PPFIA2: variants seen among roughly 807,000 people sequenced by gnomAD.
PPFIA2 encodes PPFI scaffold protein A2, also known as liprin-alpha-2.
Under a neutral mutation model 175.5 loss-of-function variants are expected in PPFIA2, and 46 were observed. That is an observed-to-expected ratio of 0.26 (90% CI 0.21 to 0.34). The LOEUF is 0.34. PPFIA2 is among the 10% of genes least tolerant of loss of function. PPFIA2 has a pLI of 1.00. For missense variants in PPFIA2, 1,179 were observed against 1,506.1 expected (o/e 0.78, Z 3.60); for synonymous variants, 568 against 511.4 (o/e 1.11, Z -1.49).
chr12:81,599,261 C>T (rs1025235006), intron 4 of PPFIA2, among the ~76,000 whole-genome samples: 1 of 151,898 alleles, frequency 6.6e-6, no homozygotes, highest in Non-Finnish European at 1.5e-5. Flanking sequence ...ATAAAAACCA[C>T]CTACTTTAAA....
intron 5 of PPFIA2, among the ~76,000 whole-genome samples, chr12:81,448,541 G>A (rs1009981726): frequency 2.0e-5 from 3 of 152,192 alleles, no homozygotes; most frequent in African/African-American, 7.2e-5. Context: ...TCAAGTGAAA[G>A]TCAAAGTCCT....
chr12:81,736,981 C>T (rs1049254270), intron 3 of PPFIA2, among the ~76,000 whole-genome samples: 3 of 151,908 alleles, frequency 2.0e-5, no homozygotes, highest in African/African-American at 4.8e-5. Context: ...CTACATTTAT[C>T]GTGCTTATTA....
chr12:81,723,208 T>C (rs1292337735), intron 3 of PPFIA2, among the ~76,000 whole-genome samples: 1 of 151,054 alleles, frequency 6.6e-6, no homozygotes, highest in Non-Finnish European at 1.5e-5. Flanking sequence ...AAACCTATAA[T>C]TAATATCTCA....
At chr12:81,693,949 G>C (rs1336287730) in intron 3 of PPFIA2, among the ~76,000 whole-genome samples, 1 of 152,050 alleles carries the variant, frequency 6.6e-6, no homozygotes, top group East Asian at 1.9e-4. Context: ...GTGATGATTA[G>C]GGTATTTGAT....
At chr12:81,676,374 G>T (rs1256553540) in intron 4 of PPFIA2, among the ~76,000 whole-genome samples, 1 of 151,902 alleles carries the variant, frequency 6.6e-6, no homozygotes, top group African/African-American at 2.4e-5. Flanking sequence ...TTTCCTGGAA[G>T]CTTCCTGAAT....
intron 4 of PPFIA2, among the ~76,000 whole-genome samples, chr12:81,624,039 A>G (rs766513745): frequency 2.0e-5 from 3 of 151,954 alleles, no homozygotes; most frequent in Non-Finnish European, 4.4e-5. Context: ...AGAAGAAAAG[A>G]TCCCATGTGA....
intron 3 of PPFIA2, among the ~76,000 whole-genome samples, chr12:81,720,667 G>A (rs2079196611): frequency 6.6e-6 from 1 of 151,246 alleles, no homozygotes; most frequent in Non-Finnish European, 1.5e-5. Context: ...CCATGAAGGT[G>A]GAAAACAATT....
In PPFIA2 at chr12:81,374,795, C is replaced by A. The variant is rs763079387; in HGVS notation, c.1132-27G>T. 6 of 1,596,028 alleles carry A rather than the reference C, an allele frequency of 3.8e-6. No individual in the cohort carries two copies. In the South Asian group the frequency reaches 6.7e-5, roughly 18 times the overall value. On this transcript the variant is annotated intron_variant, in intron 10 of 32. Coordinates refer to ENST00000549396, the MANE Select transcript of PPFIA2 (RefSeq NM_003625.5). Reference sequence around the variant, plus strand: ...TGAAATGGGAATGGGAGCAGAGACACTTAAAGAGTCAGAGTTTGGATAGCA... The same window carrying A: ...TGAAATGGGAATGGGAGCAGAGACAATTAAAGAGTCAGAGTTTGGATAGCA...
intron 3 of PPFIA2, among the ~76,000 whole-genome samples, chr12:81,726,855 T>TG (rs1190729156): frequency 6.6e-6 from 1 of 151,298 alleles, no homozygotes; most frequent in Non-Finnish European, 1.5e-5. Flanking sequence ...ACTGCTGTGA[T>TG]GCAACAAAAT....
intron 17 of PPFIA2, among the ~76,000 whole-genome samples, chr12:81,348,302 T>G (rs1027941120): frequency 6.6e-6 from 1 of 152,174 alleles, no homozygotes; most frequent in Non-Finnish European, 1.5e-5. Context: ...TCATTCATAA[T>G]TAGCCAAATA....
At chr12:81,606,956 T>A (rs1016443919) in intron 4 of PPFIA2, among the ~76,000 whole-genome samples, 4 of 152,160 alleles carry the variant, frequency 2.6e-5, no homozygotes, top group African/African-American at 9.7e-5. Context: ...GTCTTACATT[T>A]AAACCTTTAA....
At chr12:81,547,515 A>G (rs1320775638) in intron 4 of PPFIA2, among the ~76,000 whole-genome samples, 1 of 152,154 alleles carries the variant, frequency 6.6e-6, no homozygotes, top group Admixed American at 6.5e-5. Context: ...AGCTGGGATT[A>G]CAGGCATGCG....
intron 4 of PPFIA2, among the ~76,000 whole-genome samples, chr12:81,626,224 G>T (rs959894837): frequency 2.0e-5 from 3 of 151,610 alleles, no homozygotes; most frequent in East Asian, 1.9e-4. Flanking sequence ...AAAAAAGGGG[G>T]TGGGATGGGG....
At chr12:81,749,709 C>T (rs1198305433) in intron 3 of PPFIA2, among the ~76,000 whole-genome samples, 2 of 143,918 alleles carry the variant, frequency 1.4e-5, no homozygotes, top group Non-Finnish European at 3.1e-5. Context: ...ATTTTTTATA[C>T]ATTAATTAGT....
At chr12:81,331,117 C>T (rs898555583) in intron 21 of PPFIA2, among the ~76,000 whole-genome samples, 1 of 152,118 alleles carries the variant, frequency 6.6e-6, no homozygotes, top group Non-Finnish European at 1.5e-5. Flanking sequence ...TACAGTCATG[C>T]GCCACATAAA....
chr12:81,507,863 T>C (rs896533463), intron 4 of PPFIA2, among the ~76,000 whole-genome samples: 3 of 152,240 alleles, frequency 2.0e-5, no homozygotes, highest in African/African-American at 4.8e-5. Context: ...CAATGTCACA[T>C]AGACTGGTAG....
At chr12:81,573,301 A>G (rs2072909329) in intron 4 of PPFIA2, among the ~76,000 whole-genome samples, 1 of 151,888 alleles carries the variant, frequency 6.6e-6, no homozygotes, top group Admixed American at 6.6e-5. Flanking sequence ...ATGATACCCT[A>G]CAGAGTGGGT....
chr12:81,509,591 C>T (rs898116618), intron 4 of PPFIA2, among the ~76,000 whole-genome samples: 1 of 149,028 alleles, frequency 6.7e-6, no homozygotes, highest in Non-Finnish European at 1.5e-5. Flanking sequence ...AACCTGCTCA[C>T]TCCACCTAAC....
intron 4 of PPFIA2, among the ~76,000 whole-genome samples, chr12:81,534,009 T>C (rs1412545602): frequency 1.3e-5 from 2 of 151,628 alleles, no homozygotes; most frequent in East Asian, 3.9e-4. Flanking sequence ...AATCCTGTCA[T>C]TTACAGCAAC....
Sources: gnomAD v4.1 joint callset for allele counts (sites outside exome capture counted in the v4.1 genomes callset) on GRCh38, gnomAD v4.1.1 for gene constraint, MANE v1.5 for transcripts, NCBI Gene and HGNC (gene_info 2026-07-23, HGNC 2026-07-21) for gene names.